The following MTCL1 variants were observed in gnomAD, a reference collection of about 807,000 sequenced individuals.
MTCL1 encodes the protein microtubule cross-linking factor 1.
In MTCL1, 79 loss-of-function variants were observed where a neutral mutation model predicts 141.4. The ratio of observed to expected loss-of-function variants is 0.56; its 90% CI spans 0.47 to 0.67. MTCL1 has a LOEUF of 0.67. Ranked by LOEUF, MTCL1 falls within the 30% of genes least tolerant of loss-of-function variation. The pLI, the probability that MTCL1 is intolerant of heterozygous loss-of-function variation, is 0.00. For missense variants in MTCL1, 2,177 were observed against 2,113.9 expected (o/e 1.03, Z -0.59); for synonymous variants, 914 against 875.8 (o/e 1.04, Z -0.77).
Position 8,793,098 on chromosome 18 carries a change from CATTT to C in MTCL1, c.1990_1993del (p.Phe664GlnfsTer15). ...AGACTGCATCAAGAGGAGACAGAGA[CATTT>C]ACAAACAAGATCCATAAGGTAAATA... On this transcript the variant is annotated frameshift_variant, in exon 8 of 17. Transcript: ENST00000359865. LOFTEE classifies it high-confidence loss of function. 6.2e-7 allele frequency: 1 copy of C among 1,614,084 alleles called. No homozygotes were observed. Among genetic ancestry groups the C allele is most frequent in the Non-Finnish European group, 8.5e-7 (1 of 1,179,984 alleles).
At chr18:8,831,311 T>A in intron 16 of MTCL1, 1 of 1,215,996 alleles carries the variant, frequency 8.2e-7, no homozygotes, top group Non-Finnish European at 1.0e-6. Context: ...CACTGTGTCA[T>A]GCCTTCTGTA....
chr18:8,746,256 G>A (rs2096337341), intron 4 of MTCL1, among the ~76,000 whole-genome samples: 1 of 152,222 alleles, frequency 6.6e-6, no homozygotes, highest in Non-Finnish European at 1.5e-5. Flanking sequence ...GTACTCGGAA[G>A]TGGGATTGCT....
At chr18:8,788,818 A>G (rs1598670486) in intron 7 of MTCL1, among the ~76,000 whole-genome samples, 1 of 152,202 alleles carries the variant, frequency 6.6e-6, no homozygotes, top group Non-Finnish European at 1.5e-5. Flanking sequence ...CATCAATGCA[A>G]CCACGCAAAA....
At chr18:8,801,647 A>C (rs1384487152) in intron 10 of MTCL1, 1 of 152,206 alleles carries the variant, frequency 6.6e-6, no homozygotes, top group Non-Finnish European at 1.5e-5. Context: ...GCAGTTTGCC[A>C]CAGGCCTTCC....
chr18:8,715,376 C>T (rs184143100), upstream of MTCL1, among the ~76,000 whole-genome samples: 3 of 152,126 alleles, frequency 2.0e-5, no homozygotes, highest in East Asian at 1.9e-4. Context: ...TCTTAGTTGC[C>T]GATAATCCCA....
At chr18:8,742,740 G>A (rs1369337405) in intron 4 of MTCL1, among the ~76,000 whole-genome samples, 1 of 152,190 alleles carries the variant, frequency 6.6e-6, no homozygotes, top group African/African-American at 2.4e-5. Flanking sequence ...CTACACACGT[G>A]TTATTTAGTA....
Position 8,798,310 on chromosome 18 carries a change from G to A in MTCL1, c.2436+19G>A. 1 of 1,489,898 alleles carries A rather than the reference G, an allele frequency of 6.7e-7. No homozygotes were observed. The highest frequency in any genetic ancestry group is 8.9e-7 in the Non-Finnish European group (1 of 1,120,568). 92.3% of individuals were successfully genotyped at this position (1,489,898 alleles called of 1,614,324 possible). The stretch of plus-strand genomic sequence containing the variant: ...CAAACAGGTGGGTACCTCGACCCGA[G>A]CCTGTCGCCCTGCCCACACCAGGGA... On this transcript the variant is annotated intron_variant, in intron 10 of 16. Coordinates refer to ENST00000359865, the Ensembl canonical transcript of MTCL1.
At chr18:8,752,804 A>G (rs1187833815) in intron 4 of MTCL1, among the ~76,000 whole-genome samples, 2 of 152,178 alleles carry the variant, frequency 1.3e-5, no homozygotes, top group African/African-American at 4.8e-5. Flanking sequence ...TCTACAAACA[A>G]CATATCCCCT....
At chr18:8,780,889 C>T (rs1489546503) in intron 5 of MTCL1, among the ~76,000 whole-genome samples, 1 of 151,932 alleles carries the variant, frequency 6.6e-6, no homozygotes, top group African/African-American at 2.4e-5. Context: ...TGAACAAGGC[C>T]AGGTGTGGTG....
At chr18:8,785,053 C>T (rs2096547142) in intron 6 of MTCL1, among the ~76,000 whole-genome samples, 1 of 150,778 alleles carries the variant, frequency 6.6e-6, no homozygotes, top group Non-Finnish European at 1.5e-5. Flanking sequence ...CTTGTATTGC[C>T]TTGTTTCTTT....
intron 11 of MTCL1, among the ~76,000 whole-genome samples, chr18:8,808,701 C>A (rs537169998): frequency 1.3e-5 from 2 of 152,302 alleles, no homozygotes; most frequent in South Asian, 4.1e-4. Context: ...TCAGTGGAGC[C>A]CACGTTGATG....
At chr18:8,738,823 C>T (rs1359434882) in intron 4 of MTCL1, among the ~76,000 whole-genome samples, 2 of 152,184 alleles carry the variant, frequency 1.3e-5, no homozygotes, top group Non-Finnish European at 2.9e-5. Context: ...GAGTAAGAAA[C>T]CACAAATTAA....
chr18:8,811,826 A>G (rs2076497409), intron 11 of MTCL1, among the ~76,000 whole-genome samples: 1 of 152,220 alleles, frequency 6.6e-6, no homozygotes, highest in African/African-American at 2.4e-5. Context: ...AAAGTATACA[A>G]TTTGTTAAAA....
chr18:8,824,601 C>T (rs2076953447), intron 14 of MTCL1, 98 bp from the exon 14 acceptor site: 1 of 1,033,064 alleles, frequency 9.7e-7, no homozygotes, highest in Non-Finnish European at 1.4e-6. Context: ...GCAGCGGGTG[C>T]CTTCACTGAC....
intron 7 of MTCL1, among the ~76,000 whole-genome samples, chr18:8,790,213 A>G (rs935751684): frequency 6.6e-6 from 1 of 152,230 alleles, no homozygotes; most frequent in Non-Finnish European, 1.5e-5. Context: ...CTGAAGTATG[A>G]GCTTCATATA....
intron 12 of MTCL1, among the ~76,000 whole-genome samples, chr18:8,815,703 A>G (rs1371391490): frequency 6.6e-6 from 1 of 151,886 alleles, no homozygotes; most frequent in Non-Finnish European, 1.5e-5. Context: ...TCATTTTGAG[A>G]CTATATTTTG....
chr18:8,798,342 G>T (rs2075998305), intron 10 of MTCL1, 51 bp downstream of exon 9: 1 of 1,398,140 alleles, frequency 7.2e-7, no homozygotes, highest in South Asian at 1.8e-5. Flanking sequence ...GGGAGAGGAG[G>T]CTCCTAAGCT....
At chr18:8,821,014 A>G (rs914594465) in intron 13 of MTCL1, among the ~76,000 whole-genome samples, 1 of 152,214 alleles carries the variant, frequency 6.6e-6, no homozygotes, top group Non-Finnish European at 1.5e-5. Context: ...GCCAACTTCT[A>G]CAGCAAGATC....
chr18:8,749,279 C>T (rs2096357957), intron 4 of MTCL1, among the ~76,000 whole-genome samples: 1 of 152,188 alleles, frequency 6.6e-6, no homozygotes, highest in East Asian at 1.9e-4. Context: ...AGTAATGACA[C>T]TATATCAGGG....
Sources: allele counts gnomAD v4.1 joint callset (sites outside exome capture counted in the v4.1 genomes callset), GRCh38; gene constraint gnomAD v4.1.1; transcripts MANE v1.5; gene names NCBI Gene and HGNC (gene_info 2026-07-23, HGNC 2026-07-21).